C8orf34: variants seen among roughly 807,000 people sequenced by gnomAD.
C8orf34 encodes the protein chromosome 8 open reading frame 34.
In C8orf34, 65 loss-of-function variants were observed where a neutral mutation model predicts 68.3. The ratio of observed to expected loss-of-function variants is 0.95; its 90% CI spans 0.78 to 1.17. C8orf34 has a LOEUF of 1.17. Ranked by LOEUF, C8orf34 falls within the 50% of genes most tolerant of loss-of-function variation. The pLI, the probability that C8orf34 is intolerant of heterozygous loss-of-function variation, is 0.00. For missense variants in C8orf34, 664 were observed against 655.4 expected (o/e 1.01, Z -0.14); for synonymous variants, 244 against 241.2 (o/e 1.01, Z -0.11).
Position 68,521,781 on chromosome 8 carries a change from T to A in C8orf34, c.766-18T>A. 6.2e-7 allele frequency: 1 copy of A among 1,604,334 alleles called. No homozygotes were observed. The highest frequency in any genetic ancestry group is 2.2e-5 in the East Asian group (1 of 44,656). On this transcript the variant is annotated intron_variant, in intron 5 of 13. Coordinates refer to ENST00000518698, the MANE Select transcript of C8orf34 (RefSeq NM_052958.4). ...AGAAAAAGCCATCTAAGACAGCATATTCTTTTCTTCTCTTCAGGAAACAGT... is the reference window on the plus strand; with the variant it reads ...AGAAAAAGCCATCTAAGACAGCATAATCTTTTCTTCTCTTCAGGAAACAGT...
At chr8:68,749,243 G>C (rs977245596) in intron 10 of C8orf34, among the ~76,000 whole-genome samples, 1 of 151,990 alleles carries the variant, frequency 6.6e-6, no homozygotes, top group Non-Finnish European at 1.5e-5. Flanking sequence ...GTTGTGGGGT[G>C]GGGGGAGCGG....
chr8:68,528,212 C>T (rs1405988447), intron 6 of C8orf34, among the ~76,000 whole-genome samples: 1 of 152,128 alleles, frequency 6.6e-6, no homozygotes, highest in Non-Finnish European at 1.5e-5. Context: ...CTACTCTTCG[C>T]CATGTATCTT....
intron 1 of C8orf34, among the ~76,000 whole-genome samples, chr8:68,430,252 G>T (rs1810399039): frequency 6.6e-6 from 1 of 152,176 alleles, no homozygotes; most frequent in African/African-American, 2.4e-5. Flanking sequence ...CACATGCTGT[G>T]AGGATGGTGC....
At chr8:68,735,242 T>A (rs1822091411) in intron 10 of C8orf34, among the ~76,000 whole-genome samples, 1 of 152,186 alleles carries the variant, frequency 6.6e-6, no homozygotes, top group Non-Finnish European at 1.5e-5. Flanking sequence ...AGGGAGCAGT[T>A]TCAATGGTAT....
At chr8:68,649,937 C>A (rs1819294721) in intron 8 of C8orf34, among the ~76,000 whole-genome samples, 3 of 151,720 alleles carry the variant, frequency 2.0e-5, no homozygotes. Flanking sequence ...GTGGTTACTT[C>A]AGTTTTTAGC....
chr8:68,635,456 G>A (rs981735238), intron 7 of C8orf34, among the ~76,000 whole-genome samples: 1 of 152,140 alleles, frequency 6.6e-6, no homozygotes, highest in Admixed American at 6.6e-5. Flanking sequence ...GATAAAAAAA[G>A]AGAAAGCAAC....
chr8:68,770,668 A>G (rs1823313394), intron 10 of C8orf34, among the ~76,000 whole-genome samples: 1 of 152,224 alleles, frequency 6.6e-6, no homozygotes, highest in Non-Finnish European at 1.5e-5. Context: ...AGTGAAGGAA[A>G]GAGAAAAATA....
At chr8:68,629,057 T>C (rs539951461) in intron 7 of C8orf34, among the ~76,000 whole-genome samples, 1 of 152,322 alleles carries the variant, frequency 6.6e-6, no homozygotes, top group Non-Finnish European at 1.5e-5. Flanking sequence ...AGTACTCTCT[T>C]CTTTATAAGT....
chr8:68,415,682 T>A (rs1249815000), intron 1 of C8orf34, among the ~76,000 whole-genome samples: 1 of 152,164 alleles, frequency 6.6e-6, no homozygotes, highest in Admixed American at 6.5e-5. Context: ...ATTAAAATAT[T>A]AGCTACTGAA....
intron 9 of C8orf34, among the ~76,000 whole-genome samples, chr8:68,720,389 G>T (rs1274862444): frequency 6.6e-6 from 1 of 151,806 alleles, no homozygotes; most frequent in Non-Finnish European, 1.5e-5. Flanking sequence ...TATCTCCCTG[G>T]TGTTCAGTGG....
Position 68,451,862 on chromosome 8 carries a change from G to A in C8orf34, c.607+5402G>A, listed in dbSNP as rs144236664. ...GACTTGTTCAATGCAGGGTCCCCAC[G>A]AATGTTTACTTTGTAAAAAAAACAA... On this transcript the variant is annotated intron_variant, in intron 3 of 13. Transcript: ENST00000518698. Among the ~76,000 whole-genome samples the A allele has an allele frequency of 2.2e-3, 333 of 151,966 alleles. 1 individual carries two copies. The highest frequency in any genetic ancestry group is 7.2e-3 in the African/African-American group (297 of 41,454).
At chr8:68,772,382 A>G (rs1823366499) in intron 10 of C8orf34, among the ~76,000 whole-genome samples, 1 of 152,204 alleles carries the variant, frequency 6.6e-6, no homozygotes, top group African/African-American at 2.4e-5. Context: ...GATTGAGGAC[A>G]GTGTGGTTCT....
intron 9 of C8orf34, among the ~76,000 whole-genome samples, chr8:68,709,756 T>G (rs760468664): frequency 6.6e-6 from 1 of 152,174 alleles, no homozygotes; most frequent in Non-Finnish European, 1.5e-5. Flanking sequence ...TAATTTCCAT[T>G]TTCTATAGTA....
chr8:68,549,879 C>G (rs913357547), intron 7 of C8orf34, among the ~76,000 whole-genome samples: 1 of 151,604 alleles, frequency 6.6e-6, no homozygotes, highest in East Asian at 1.9e-4. Flanking sequence ...GTTTTTGTTG[C>G]TCTGAAGTTT....
intron 3 of C8orf34, among the ~76,000 whole-genome samples, chr8:68,462,296 C>G (rs903771580): frequency 5.3e-5 from 8 of 152,100 alleles, no homozygotes; most frequent in African/African-American, 1.9e-4. Flanking sequence ...TAAAGCAAGT[C>G]CTGAATGACC....
At chr8:68,648,659 T>C (rs1819251961) in intron 8 of C8orf34, among the ~76,000 whole-genome samples, 1 of 152,222 alleles carries the variant, frequency 6.6e-6, no homozygotes, top group South Asian at 2.1e-4. Context: ...GAAAGCCATT[T>C]TAAAAGAAAT....
intron 9 of C8orf34, 52 bp from the exon 10 acceptor site, chr8:68,721,307 AAT>A: frequency 8.6e-7 from 1 of 1,160,260 alleles, no homozygotes; most frequent in Admixed American, 2.0e-5. Context: ...TATATCAGAG[AAT>A]TAATAAGCAA....
intron 8 of C8orf34, among the ~76,000 whole-genome samples, chr8:68,708,597 G>A (rs1224713030): frequency 6.6e-6 from 1 of 152,170 alleles, no homozygotes; most frequent in Non-Finnish European, 1.5e-5. Flanking sequence ...ATAAACCTCA[G>A]TGGAATTAGG....
At chr8:68,682,658 TC>T (rs1284417613) in intron 8 of C8orf34, among the ~76,000 whole-genome samples, 3 of 152,196 alleles carry the variant, frequency 2.0e-5, no homozygotes, top group Non-Finnish European at 1.5e-5. Flanking sequence ...GGTGGTGTAT[TC>T]CTGTCTCCTA....
Sources: gnomAD v4.1 joint callset for allele counts (sites outside exome capture counted in the v4.1 genomes callset) on GRCh38, gnomAD v4.1.1 for gene constraint, MANE v1.5 for transcripts, NCBI Gene and HGNC (gene_info 2026-07-23, HGNC 2026-07-21) for gene names.